The following GLDN variants were observed in gnomAD, a reference collection of about 807,000 sequenced individuals.
The protein encoded by GLDN is collomin.
A neutral mutation model predicts 56.5 loss-of-function variants in GLDN; 47 were observed. The observed-to-expected ratio is 0.83, with a 90% CI of 0.66 to 1.06. The LOEUF (loss-of-function observed/expected upper bound fraction) is 1.06. Among genes scored for constraint, GLDN ranks in the 50% least tolerant of loss-of-function variants. GLDN has a pLI of 0.00. For synonymous variants in GLDN, 332 were observed against 278.8 expected (o/e 1.19, Z -1.90); for missense variants, 782 against 714.3 (o/e 1.09, Z -1.08).
rs1217302309 is a variant in GLDN at position 51,404,451 on chromosome 15, A to G, written c.1353A>G (p.Gln451=). 5.0e-6 allele frequency: 8 copies of G among 1,614,024 alleles called. No homozygotes were observed. Among genetic ancestry groups the G allele is most frequent in the Non-Finnish European group, 6.8e-6 (8 of 1,180,032 alleles). Residue 451 remains glutamine (Q), a synonymous_variant, in exon 10 of 10, where the codon CAA becomes CAG. Transcript: ENST00000335449. ...ACGGCTCGAGCATTCTTGTAGCACA[A>G]CTGGATGAGAGGACATTCTCAGTGG... ...SVDGSSILVA[Q]LDERTFSVVQ...
At chr15:51,353,186 A>G (rs570447997) in intron 1 of GLDN, among the ~76,000 whole-genome samples, 6 of 151,840 alleles carry the variant, frequency 4.0e-5, no homozygotes, top group Admixed American at 6.6e-5. Flanking sequence ...GAGAGCTTCA[A>G]CTCCCTGTGG....
At position 51,407,142 on chromosome 15, in the gene GLDN, C is replaced by T. The variant is rs1022867063; in HGVS notation, c.*2388C>T. On this transcript the variant is annotated 3_prime_UTR_variant, in exon 10 of 10. Coordinates refer to ENST00000335449, the MANE Select transcript of GLDN (RefSeq NM_181789.4). ...ATGCTCACCACTGGAGAAGCTTACA[C>T]CGGGACTTTTTTTCTTTTTTCTTTT... 1.3e-5 allele frequency: 2 copies of T among 151,982 alleles called. No homozygotes were observed. Among genetic ancestry groups the T allele is most frequent in the Non-Finnish European group, 2.9e-5 (2 of 68,010 alleles). 9.4% of individuals were successfully genotyped at this position (151,982 alleles called of 1,614,324 possible).
At position 51,397,586 on chromosome 15, in the gene GLDN, G is replaced by A. The variant is rs201795225; in HGVS notation, c.805G>A (p.Gly269Ser). 1.6e-5 allele frequency: 25 copies of A among 1,596,100 alleles called. No homozygotes were observed. Among genetic ancestry groups the A allele is most frequent in the African/African-American group, 5.4e-5 (4 of 74,302 alleles). The change falls in exon 6 of 10, where the codon GGC becomes AGC. Residue 269 changes from glycine to serine, a missense_variant. Gly to Ser is a moderately conservative substitution (Grantham distance 56, BLOSUM62 0). Transcript: ENST00000335449. ...CCCTCGGCAGCCAAGCATGTTCAAC[G>A]GCCAGTGCCCAGGTCACCACCTCTC... The part of the protein sequence containing the change: ...KGPRQPSMFN[G>S]QCPGETCAIP...
intron 1 of GLDN, among the ~76,000 whole-genome samples, chr15:51,359,891 A>G (rs2037257685): frequency 6.6e-6 from 1 of 151,198 alleles, no homozygotes; most frequent in Non-Finnish European, 1.5e-5. Flanking sequence ...AGGCAGGAGA[A>G]TGATGTGAAC....
intron 5 of GLDN, among the ~76,000 whole-genome samples, chr15:51,396,841 T>G (rs932654330): frequency 6.6e-6 from 1 of 152,236 alleles, no homozygotes; most frequent in Non-Finnish European, 1.5e-5. Context: ...TTTAGTACAT[T>G]TTGTTTCATT....
At chr15:51,398,158 G>A (rs1034827491) in intron 6 of GLDN, among the ~76,000 whole-genome samples, 1 of 152,190 alleles carries the variant, frequency 6.6e-6, no homozygotes, top group African/African-American at 2.4e-5. Context: ...GTCCCTCCAG[G>A]AGTAAGTGGC....
intron 4 of GLDN, chr15:51,384,231 C>T (rs572565431): frequency 9.9e-5 from 32 of 322,196 alleles, no homozygotes; most frequent in African/African-American, 5.6e-4. Context: ...CATGCTCTTT[C>T]GAGGCTCAGC....
intron 5 of GLDN, among the ~76,000 whole-genome samples, chr15:51,395,517 T>C (rs958806729): frequency 1.3e-5 from 2 of 152,158 alleles, no homozygotes; most frequent in African/African-American, 4.8e-5. Flanking sequence ...GGGGCTTTAC[T>C]GGGGGCTTCA....
intron 1 of GLDN, among the ~76,000 whole-genome samples, chr15:51,356,794 A>C (rs145857792): frequency 8.5e-5 from 13 of 152,332 alleles, no homozygotes; most frequent in African/African-American, 3.1e-4. Context: ...AGTCCTTAAT[A>C]CAGTGCCTAG....
rs1443331897 is a variant in GLDN, at chr15:51,406,523, T to A, written c.*1769T>A. On this transcript the variant is annotated 3_prime_UTR_variant, in exon 10 of 10. Coordinates refer to ENST00000335449, the MANE Select transcript of GLDN (RefSeq NM_181789.4). ...ACAGCAGTATTTTAAAACTTAGGGT[T>A]GAACTGGGCATGGTGGCACATAACT... is the stretch of plus-strand genomic sequence containing the variant. 1 of 152,172 alleles carries A rather than the reference T, an allele frequency of 6.6e-6. No homozygotes were observed. The highest frequency in any genetic ancestry group is 1.5e-5 in the Non-Finnish European group (1 of 68,030). 9.4% of individuals were successfully genotyped at this position (152,172 alleles called of 1,614,324 possible).
chr15:51,344,589 C>A (rs1455112462), intron 1 of GLDN, among the ~76,000 whole-genome samples: 1 of 152,106 alleles, frequency 6.6e-6, no homozygotes, highest in Non-Finnish European at 1.5e-5. Context: ...GAAGGCTACA[C>A]CTTCCCTGGC....
chr15:51,384,264 T>C (rs1180592548), intron 4 of GLDN: 6 of 269,052 alleles, frequency 2.2e-5, no homozygotes, highest in Non-Finnish European at 1.4e-5. Context: ...CTCTATTGCC[T>C]CCTCCTGCCC....
rs1329123914 is a variant in GLDN at position 51,383,839 on chromosome 15, GT to G, written c.489del (p.Pro164LeufsTer140). On this transcript the variant is annotated frameshift_variant, in exon 4 of 10. Coordinates refer to ENST00000335449, the MANE Select transcript of GLDN (RefSeq NM_181789.4). LOFTEE classifies it high-confidence loss of function. ...CACAACGGATTGGATGGACAGCCTG[GT>G]CCTCAGGGCCCAAAAGGAGAAAAAG... The part of the protein sequence containing the change: ...PGHNGLDGQP[G>X]PQGPKGEKGA... The G allele has an allele frequency of 6.2e-7, 1 of 1,613,436 alleles. No individual in the cohort carries two copies. Among genetic ancestry groups the G allele is most frequent in the South Asian group, 1.1e-5 (1 of 90,790 alleles).
At chr15:51,373,062 T>C (rs1211820208) in intron 1 of GLDN, among the ~76,000 whole-genome samples, 1 of 152,164 alleles carries the variant, frequency 6.6e-6, no homozygotes, top group Non-Finnish European at 1.5e-5. Flanking sequence ...CCAACACTGT[T>C]ATGTTGGGGA....
At position 51,379,497 on chromosome 15, in the gene GLDN, A is replaced by G. The variant is rs556018845; in HGVS notation, c.415+1997A>G. On this transcript the variant is annotated intron_variant, in intron 2 of 9. Transcript: ENST00000335449. ...AGTCTCTTATTCTATGCCTAGGCAA[A>G]TATCAATCACGGATCAATGCTGCTG... Among the ~76,000 whole-genome samples the G allele has an allele frequency of 2.0e-5, 3 of 152,350 alleles. 1 individual carries two copies. In the Middle Eastern group the frequency reaches 0.01, roughly 518 times the overall value.
chr15:51,386,806 T>C (rs1465023677), intron 4 of GLDN, among the ~76,000 whole-genome samples: 1 of 152,136 alleles, frequency 6.6e-6, no homozygotes, highest in African/African-American at 2.4e-5. Flanking sequence ...GCATCAAGAC[T>C]GACCCTAAGG....
intron 1 of GLDN, among the ~76,000 whole-genome samples, chr15:51,375,016 A>G (rs1423259260): frequency 6.6e-6 from 1 of 152,196 alleles, no homozygotes; most frequent in East Asian, 1.9e-4. Context: ...GACATGATCC[A>G]CCACACCAGG....
downstream of GLDN, among the ~76,000 whole-genome samples, chr15:51,410,563 T>C (rs1387641628): frequency 1.3e-5 from 2 of 152,208 alleles, no homozygotes; most frequent in Non-Finnish European, 2.9e-5. Context: ...TTCCTGCTTC[T>C]GGCACCTCCT....
chr15:51,364,990 A>C (rs564081991), intron 1 of GLDN, among the ~76,000 whole-genome samples: 1 of 152,260 alleles, frequency 6.6e-6, no homozygotes, highest in Non-Finnish European at 1.5e-5. Context: ...TCAAATAAGA[A>C]TTCAAAGCAC....
Sources: allele counts gnomAD v4.1 joint callset (sites outside exome capture counted in the v4.1 genomes callset), GRCh38; gene constraint gnomAD v4.1.1; transcripts MANE v1.5; gene names NCBI Gene and HGNC (gene_info 2026-07-23, HGNC 2026-07-21).